The following CACNA2D3 variants were observed in gnomAD, a reference collection of about 807,000 sequenced individuals.
CACNA2D3 encodes the protein calcium voltage-gated channel auxiliary subunit alpha2delta 3.
CACNA2D3 carries 60 observed loss-of-function variants against 160.6 expected under a neutral mutation model. That is an observed-to-expected ratio of 0.37 (90% CI 0.30 to 0.46). The LOEUF is 0.46. CACNA2D3 is among the 20% of genes least tolerant of loss of function. CACNA2D3 has a pLI of 1.00. For synonymous variants in CACNA2D3, 558 were observed against 492.9 expected, an observed-to-expected ratio of 1.13 and a Z score of -1.75; for missense variants, 1,205 against 1,365.0, an observed-to-expected ratio of 0.88 and a Z score of 1.85.
At chr3:54,197,117 G>A (rs1430196698) in intron 2 of CACNA2D3, among the ~76,000 whole-genome samples, 1 of 152,058 alleles carries the variant, frequency 6.6e-6, no homozygotes, top group Non-Finnish European at 1.5e-5. Flanking sequence ...GTCCAGGTTG[G>A]TTTTGAGCTC....
At chr3:55,063,336 A>C (rs1704559322) in intron 35 of CACNA2D3, among the ~76,000 whole-genome samples, 1 of 152,056 alleles carries the variant, frequency 6.6e-6, no homozygotes, top group African/African-American at 2.4e-5. Context: ...GCACAATTCT[A>C]GACCAGACAG....
At chr3:54,299,346 C>T (rs1330684375) in intron 2 of CACNA2D3, among the ~76,000 whole-genome samples, 1 of 152,172 alleles carries the variant, frequency 6.6e-6, no homozygotes, top group African/African-American at 2.4e-5. Context: ...GAGTCCCAGT[C>T]CCGCTCCGCT....
chr3:54,974,719 C>A (rs3773586), intron 29 of CACNA2D3, among the ~76,000 whole-genome samples: 73,869 of 152,082 alleles, frequency 0.49, 18,411 homozygotes, highest in South Asian at 0.59. Flanking sequence ...TTATTGCTGC[C>A]TTTTTAAAAA....
At chr3:54,944,814 G>GGTGTGTGTGT (rs34193625) in intron 27 of CACNA2D3, among the ~76,000 whole-genome samples, 1 of 111,362 alleles carries the variant, frequency 9.0e-6, no homozygotes, top group Non-Finnish European at 1.8e-5. Context: ...TAGAGCTGGG[G>GGTGTGTGTGT]GTGTGTGTGT....
At position 54,743,820 on chromosome 3, in the gene CACNA2D3, G is replaced by A. The variant is rs144663685; in HGVS notation, c.1168-8779G>A. On this transcript the variant is annotated intron_variant, in intron 11 of 37. Coordinates refer to ENST00000474759, the MANE Select transcript of CACNA2D3 (RefSeq NM_018398.3). The stretch of plus-strand genomic sequence containing the variant: ...GGCTTCTGAGCCATAAAAATCCTAG[G>A]CCATGCAGTGTCCAGCAGCCTGAAG... Among the ~76,000 whole-genome samples the A allele has an allele frequency of 2.4e-3, 362 of 152,284 alleles. 1 individual carries two copies. Among genetic ancestry groups the A allele is most frequent in the Non-Finnish European group, 4.1e-3 (279 of 68,034 alleles).
chr3:54,192,671 G>GGGGT (rs1553750273), intron 2 of CACNA2D3, among the ~76,000 whole-genome samples: 1 of 149,594 alleles, frequency 6.7e-6, no homozygotes. Flanking sequence ...CCATATGTGA[G>GGGGT]GTGTGTGTGT....
intron 13 of CACNA2D3, among the ~76,000 whole-genome samples, chr3:54,779,172 A>G (rs1285496050): frequency 6.6e-6 from 1 of 151,902 alleles, no homozygotes; most frequent in Non-Finnish European, 1.5e-5. Flanking sequence ...ACCTCAGCTC[A>G]CTGCAACCTC....
At chr3:54,746,651 G>A (rs1440455607) in intron 11 of CACNA2D3, among the ~76,000 whole-genome samples, 2 of 152,192 alleles carry the variant, frequency 1.3e-5, no homozygotes, top group Admixed American at 6.5e-5. Flanking sequence ...TAACTTGCTT[G>A]CTTTTAAAGG....
At chr3:54,127,688 T>A (rs139500877) in intron 2 of CACNA2D3, among the ~76,000 whole-genome samples, 81 of 152,350 alleles carry the variant, frequency 5.3e-4, no homozygotes, top group African/African-American at 1.8e-3. Flanking sequence ...ATACTGGACT[T>A]TTCCTTAGCA....
In CACNA2D3 at chr3:54,160,527, G is replaced by A. The variant is rs189031706; in HGVS notation, c.204+36933G>A. Among the ~76,000 whole-genome samples, 698 of 152,182 alleles carry A rather than the reference G, an allele frequency of 4.6e-3. 11 individuals carry two copies. Among genetic ancestry groups the A allele is most frequent in the African/African-American group, 0.016 (666 of 41,532 alleles). ...AAAAAATAAAATAAAATAAAATAAA[G>A]GAATTGCTGAGACCCTGGCATCAGT... is the stretch of plus-strand genomic sequence containing the variant. On this transcript the variant is annotated intron_variant, in intron 2 of 37. Transcript: ENST00000474759.
At chr3:54,147,176 G>A (rs1700047938) in intron 2 of CACNA2D3, among the ~76,000 whole-genome samples, 1 of 152,226 alleles carries the variant, frequency 6.6e-6, no homozygotes, top group Non-Finnish European at 1.5e-5. Context: ...ACTGCCTGCT[G>A]GCTGTCACTT....
chr3:54,276,955 C>T (rs1456108581), intron 2 of CACNA2D3, among the ~76,000 whole-genome samples: 1 of 152,114 alleles, frequency 6.6e-6, no homozygotes, highest in Non-Finnish European at 1.5e-5. Flanking sequence ...TGAGCTATGG[C>T]CCACCGCAGG....
intron 27 of CACNA2D3, among the ~76,000 whole-genome samples, chr3:54,960,782 C>T (rs774064833): frequency 1.3e-5 from 2 of 152,156 alleles, no homozygotes; most frequent in Non-Finnish European, 2.9e-5. Context: ...GTCCAACATT[C>T]CATCATGCAA....
chr3:54,485,801 T>C (rs144620509), intron 4 of CACNA2D3, among the ~76,000 whole-genome samples: 3,109 of 152,254 alleles, frequency 0.02, 86 homozygotes, highest in East Asian at 0.11. Context: ...TGACCTCAAT[T>C]GATCCACCTG....
At chr3:54,335,095 C>T (rs1184011846) in intron 3 of CACNA2D3, among the ~76,000 whole-genome samples, 2 of 152,142 alleles carry the variant, frequency 1.3e-5, no homozygotes, top group Non-Finnish European at 2.9e-5. Context: ...TATTCTTGGT[C>T]TAATTATTAA....
chr3:54,361,539 A>G (rs967422300), intron 3 of CACNA2D3, among the ~76,000 whole-genome samples: 1 of 152,248 alleles, frequency 6.6e-6, no homozygotes, highest in Non-Finnish European at 1.5e-5. Context: ...CCTGCATTAC[A>G]ATCAGCGACA....
intron 2 of CACNA2D3, among the ~76,000 whole-genome samples, chr3:54,268,204 C>T (rs1702556047): frequency 6.6e-6 from 1 of 152,122 alleles, no homozygotes; most frequent in South Asian, 2.1e-4. Flanking sequence ...AGCTACTGCT[C>T]ACGTGAAAGA....
chr3:54,815,251 C>T (rs1291196760), intron 13 of CACNA2D3, among the ~76,000 whole-genome samples: 5 of 152,098 alleles, frequency 3.3e-5, no homozygotes, highest in African/African-American at 1.2e-4. Context: ...TTGGGAGACC[C>T]GTATAAGATA....
chr3:55,066,909 T>G (rs1226409387), intron 35 of CACNA2D3, among the ~76,000 whole-genome samples: 1 of 152,182 alleles, frequency 6.6e-6, no homozygotes, highest in African/African-American at 2.4e-5. Context: ...TCAGCCTGGC[T>G]GCTGGGCCCA....
Sources: gnomAD v4.1 joint callset for allele counts (sites outside exome capture counted in the v4.1 genomes callset) on GRCh38, gnomAD v4.1.1 for gene constraint, MANE v1.5 for transcripts, NCBI Gene and HGNC (gene_info 2026-07-23, HGNC 2026-07-21) for gene names.